The following SAAL1 variants were observed in gnomAD, a reference collection of about 807,000 sequenced individuals.
The protein encoded by SAAL1 is serum amyloid A like 1.
In SAAL1, 42 loss-of-function variants were observed where a neutral mutation model predicts 59.8. The observed-to-expected ratio is 0.70, with a 90% confidence interval of 0.55 to 0.91. The LOEUF (loss-of-function observed/expected upper bound fraction) is 0.91, where lower values mean the gene tolerates loss of function less well. SAAL1 is among the 40% of genes least tolerant of loss of function. SAAL1 has a pLI of 0.00. For missense variants in SAAL1, 542 were observed against 561.1 expected (o/e 0.97, Z 0.34); for synonymous variants, 191 against 194.3 (o/e 0.98, Z 0.14).
At position 18,082,367 on chromosome 11, in the gene SAAL1, C is replaced by A. The variant is rs1590282240; in HGVS notation, c.1240-864G>T. 2.6e-5 allele frequency among the ~76,000 whole-genome samples: 4 copies of A among 152,090 alleles called. No individual in the cohort carries two copies. The South Asian group carries it at 8.3e-4, about 31-fold the overall frequency. Reference sequence around the variant, plus strand: ...TAAAAATGCAAATCAAAGTAAGACACAATTTATTACCTGAACTTTGACATA... The same window carrying A: ...TAAAAATGCAAATCAAAGTAAGACAAAATTTATTACCTGAACTTTGACATA... On this transcript the variant is annotated intron_variant, in intron 10 of 11. Transcript: ENST00000524803.
intron 2 of SAAL1, among the ~76,000 whole-genome samples, chr11:18,099,044 T>C (rs956136576): frequency 2.6e-5 from 4 of 152,024 alleles, no homozygotes; most frequent in Non-Finnish European, 2.9e-5. Flanking sequence ...CCCAAGATTA[T>C]ACAGTCTCAG....
At chr11:18,088,904 T>C (rs1848494292) in intron 7 of SAAL1, among the ~76,000 whole-genome samples, 1 of 152,192 alleles carries the variant, frequency 6.6e-6, no homozygotes, top group Admixed American at 6.5e-5. Flanking sequence ...TTTAATGACC[T>C]GTAAGGCTTA....
At chr11:18,093,822 A>C (rs1848546817) in intron 3 of SAAL1, 1 of 152,258 alleles carries the variant, frequency 6.6e-6, no homozygotes, top group Admixed American at 6.5e-5. Flanking sequence ...TCAGGCATGG[A>C]AAAGGATGAA....
chr11:18,095,935 G>A (rs1848570927), intron 3 of SAAL1, among the ~76,000 whole-genome samples: 1 of 152,198 alleles, frequency 6.6e-6, no homozygotes, highest in African/African-American at 2.4e-5. Context: ...CACGGAGACA[G>A]CATGAGACAG....
chr11:18,096,950 T>A lies in SAAL1; in HGVS notation c.250-96A>T, dbSNP rs560732415. 9.8e-6 allele frequency: 7 copies of A among 711,084 alleles called. No individual in the cohort carries two copies. The East Asian group carries it at 2.0e-4, about 20-fold the overall frequency. The allele number at this position is 711,084 out of a possible 1,614,324, so 44.0% of individuals were successfully genotyped here. ...TAAAATTCTATATTAAAATTAGAAT[T>A]TTACGCCAGGCGCAGTGGCTGACAC... On this transcript the variant is annotated intron_variant, in intron 2 of 11. Coordinates refer to ENST00000524803, the MANE Select transcript of SAAL1 (RefSeq NM_138421.3).
At position 18,106,070 on chromosome 11, in the gene SAAL1, C is replaced by A. The variant is rs375744355; in HGVS notation, c.-29G>T. The A allele has an allele frequency of 3.2e-6, 5 of 1,581,998 alleles. No homozygotes were observed. The highest frequency in any genetic ancestry group is 1.1e-5 in the South Asian group (1 of 87,824). The stretch of plus-strand genomic sequence containing the variant: ...TTTGTCGCGTCCCGCGCTTGAAGGC[C>A]GTGCCGGAAGCTGCGGAGGAGACGA... On this transcript the variant is annotated 5_prime_UTR_variant, in exon 1 of 12. Coordinates refer to ENST00000524803, the MANE Select transcript of SAAL1 (RefSeq NM_138421.3).
Position 18,083,734 on chromosome 11 carries a change from G to T in SAAL1, c.1043-3C>A. On this transcript the variant is annotated splice_polypyrimidine_tract_variant and splice_region_variant and intron_variant, in intron 9 of 11. Transcript: ENST00000524803. ...GCTGTCAATTAGAGGAAGATCTACT[G>T]TATAAACAAATCAAGAAGCATGGAA... 1.3e-6 allele frequency: 2 copies of T among 1,576,828 alleles called. No individual in the cohort carries two copies. The highest frequency in any genetic ancestry group is 1.7e-6 in the Non-Finnish European group (2 of 1,161,440).
chr11:18,096,843 T>A lies in SAAL1; in HGVS notation c.261A>T (p.Leu87Phe). The A allele has an allele frequency of 1.3e-6, 2 of 1,566,536 alleles. No individual in the cohort carries two copies. Among genetic ancestry groups the A allele is most frequent in the African/African-American group, 1.4e-5 (1 of 73,404 alleles). Reference protein sequence around the residue: ...WDMSMDEDVALFLQEFNAPDI... With the variant: ...WDMSMDEDVAFFLQEFNAPDI... ...CAGGAGCATTAAATTCTTGGAGAAA[T>A]AAAGCCACGTCCTGAAAAGAAAAAT... Residue 87 changes from leucine to phenylalanine, a missense_variant, in exon 3 of 12, where the codon TTA (leucine) becomes TTT (phenylalanine). Transcript: ENST00000524803.
At chr11:18,099,621 C>T (rs1194669782) in intron 2 of SAAL1, among the ~76,000 whole-genome samples, 1 of 152,150 alleles carries the variant, frequency 6.6e-6, no homozygotes, top group Admixed American at 6.5e-5. Context: ...TTAAATCCAT[C>T]AGAGGACACA....
rs370072104 is a variant in SAAL1 at position 18,081,460 on chromosome 11, T to A, written c.1283A>T (p.Gln428Leu). The A allele has an allele frequency of 6.2e-7, 1 of 1,614,044 alleles. No individual in the cohort carries two copies. The highest frequency in any genetic ancestry group is 1.3e-5 in the African/African-American group (1 of 74,938). ...GTTTTGAAATGCAGAGGAACACTTC[T>A]GTTTGCTCAACTGGCCTTCCTTTAC... is the stretch of plus-strand genomic sequence containing the variant. ...QGVKEGQLSK[Q>L]KCSSAFQNLL... The change falls in exon 11 of 12, where the codon CAG becomes CTG. Residue 428 changes from glutamine to leucine, a missense_variant. Gln to Leu is a moderately radical substitution (Grantham distance 113). Transcript: ENST00000524803.
Position 18,087,024 on chromosome 11 carries a change from C to T in SAAL1, c.884G>A (p.Trp295Ter). The T allele has an allele frequency of 6.2e-7, 1 of 1,613,788 alleles. No individual in the cohort carries two copies. Among genetic ancestry groups the T allele is most frequent in the Non-Finnish European group, 8.5e-7 (1 of 1,179,750 alleles). ...GCAGACCAGGTCAAAAAGTAAATTC[C>T]AAATGTCTTTTCCAGTGTCAGGACA... ...VHCPDTGKDI[W>*]NLLFDLVCHE... The change falls in exon 9 of 12, where the codon TGG (tryptophan) becomes TAG (stop). Residue 295 changes from tryptophan to a stop codon, truncating the protein, a stop_gained. Coordinates refer to ENST00000524803, the MANE Select transcript of SAAL1 (RefSeq NM_138421.3). LOFTEE classifies it high-confidence loss of function.
intron 2 of SAAL1, among the ~76,000 whole-genome samples, chr11:18,099,811 G>A (rs192061520): frequency 3.3e-4 from 51 of 152,344 alleles, no homozygotes; most frequent in Non-Finnish European, 6.3e-4. Flanking sequence ...CCATGGACAC[G>A]TGAAAGTGCA....
intron 3 of SAAL1, among the ~76,000 whole-genome samples, chr11:18,096,463 C>G (rs548718524): frequency 6.4e-4 from 97 of 151,954 alleles, no homozygotes; most frequent in African/African-American, 2.3e-3. Context: ...TACACCTATA[C>G]TCCCAGTTAC....
At chr11:18,096,743 A>C (rs1183104522) in intron 3 of SAAL1, 28 bp downstream of exon 3, 8 of 1,146,506 alleles carry the variant, frequency 7.0e-6, no homozygotes, top group Non-Finnish European at 9.3e-6. Flanking sequence ...GCTTCAAAGA[A>C]GAAGGCTTTA....
intron 7 of SAAL1, among the ~76,000 whole-genome samples, chr11:18,088,689 T>C (rs1848492139): frequency 6.6e-6 from 1 of 152,156 alleles, no homozygotes; most frequent in African/African-American, 2.4e-5. Context: ...ATTATCCAAA[T>C]AGGATAATGA....
rs368016177 is a variant in SAAL1, at chr11:18,106,035, G to T, written c.7C>A (p.Arg3Ser). ...CCCGGCGGCGGCGGCGAGGGGTTGC[G>T]GTCCATGACTTTGTCGCGTCCCGCG... MD[R>S]NPSPPPPGRD... The change falls in exon 1 of 12, where the codon CGC (arginine) becomes AGC (serine). Residue 3 changes from arginine to serine, a missense_variant. Physicochemically the swap from Arg to Ser is moderately radical, Grantham distance 110. Transcript: ENST00000524803. The T allele has an allele frequency of 3.7e-6, 6 of 1,603,230 alleles. No homozygotes were observed. The highest frequency in any genetic ancestry group is 4.2e-6 in the Non-Finnish European group (5 of 1,178,372).
chr11:18,092,352 A>T, intron 3 of SAAL1, 28 bp from the exon 4 acceptor site: 1 of 1,385,872 alleles, frequency 7.2e-7, no homozygotes, highest in Non-Finnish European at 1.0e-6. Flanking sequence ...ACAAGTCACA[A>T]TGGCTCTGAG....
chr11:18,082,962 T>A (rs777984487), intron 10 of SAAL1, among the ~76,000 whole-genome samples: 9 of 152,232 alleles, frequency 5.9e-5, no homozygotes, highest in Non-Finnish European at 1.0e-4. Flanking sequence ...ATTAAGTGGG[T>A]ATGAATAAAT....
chr11:18,105,278 C>T (rs1848676618), intron 1 of SAAL1, among the ~76,000 whole-genome samples: 1 of 151,642 alleles, frequency 6.6e-6, no homozygotes, highest in Non-Finnish European at 1.5e-5. Flanking sequence ...AAGCGATCCT[C>T]CAGCCTCAGC....
Sources: gnomAD v4.1 joint callset for allele counts (sites outside exome capture counted in the v4.1 genomes callset) on GRCh38, gnomAD v4.1.1 for gene constraint, MANE v1.5 for transcripts, NCBI Gene and HGNC (gene_info 2026-07-23, HGNC 2026-07-21) for gene names.